Variants in CD5 observed in about 807,000 individuals in gnomAD.
CD5 encodes CD5 molecule.
CD5 carries 36 observed loss-of-function variants against 60.3 expected under a neutral mutation model. That is an observed-to-expected ratio of 0.60 (90% CI 0.46 to 0.79). The LOEUF (loss-of-function observed/expected upper bound fraction) is 0.79. Among genes scored for constraint, CD5 ranks in the 30% least tolerant of loss-of-function variants. CD5 has a pLI of 0.00. For missense variants in CD5, 540 were observed against 630.6 expected (o/e 0.86, Z 1.54); for synonymous variants, 230 against 257.6 (o/e 0.89, Z 1.03).
At chr11:61,102,700 T>G in intron 1 of CD5, 85 bp downstream of exon 1, 1 of 1,188,376 alleles carries the variant, frequency 8.4e-7, no homozygotes, top group Non-Finnish European at 1.2e-6. Context: ...CAAGGCTGAC[T>G]CTGGGATCCA....
intron 1 of CD5, among the ~76,000 whole-genome samples, chr11:61,109,095 C>G (rs545970135): frequency 6.6e-6 from 1 of 152,124 alleles, no homozygotes; most frequent in Non-Finnish European, 1.5e-5. Context: ...CTGGCCCTGC[C>G]GAGTTCTCAC....
intron 7 of CD5, 73 bp from the exon 8 acceptor site, chr11:61,123,811 A>AAGC: frequency 5.0e-5 from 13 of 262,104 alleles, no homozygotes; most frequent in East Asian, 9.3e-5. Context: ...GCCCAGCCCC[A>AAGC]TCCCCACCCC....
chr11:61,101,805 T>A (rs201534970), upstream of CD5, among the ~76,000 whole-genome samples: 3 of 144,304 alleles, frequency 2.1e-5, no homozygotes, highest in Non-Finnish European at 4.5e-5. Flanking sequence ...TCACACACAC[T>A]CAACATGGAG....
At chr11:61,102,452 CTGA>C, upstream of CD5, 2 of 651,240 alleles carry the variant, frequency 3.1e-6, no homozygotes, top group South Asian at 1.7e-5. Context: ...CCACCCCTCC[CTGA>C]GCACGCCACC....
chr11:61,115,799 G>GC, intron 2 of CD5, among the ~76,000 whole-genome samples: 1 of 152,220 alleles, frequency 6.6e-6, no homozygotes, highest in Non-Finnish European at 1.5e-5. Context: ...CCACTGTGCA[G>GC]CCAGAGGGGG....
rs1861129186 is a variant in CD5 at position 61,125,160 on chromosome 11, C to T, written c.1399+9C>T. The T allele has an allele frequency of 6.2e-7, 1 of 1,613,888 alleles. No individual in the cohort carries two copies. ...CCTGTCAGCTTATCCAGGTAAGCAC[C>T]AGCGGGTGCTCCCAGGCACGCAGGC... On this transcript the variant is annotated intron_variant, in intron 9 of 10. Transcript: ENST00000347785.
intron 1 of CD5, among the ~76,000 whole-genome samples, chr11:61,104,050 ATG>A (rs1201880525): frequency 9.1e-6 from 1 of 109,636 alleles, no homozygotes; most frequent in African/African-American, 3.9e-5. Context: ...GTATGGGGGA[ATG>A]TGTGAGTCTG....
At position 61,118,997 on chromosome 11, in the gene CD5, C is replaced by G. The variant is rs1256532952; in HGVS notation, c.463+20C>G. ...CCACAGGTAAGAGGATTCTGAACCC[C>G]CCACAGGGAGTCAGAGCTAGCAAAT... On this transcript the variant is annotated intron_variant, in intron 4 of 10. Coordinates refer to ENST00000347785, the MANE Select transcript of CD5 (RefSeq NM_014207.4). This position sits in a 1 kb window ranked among gnomAD's most constrained non-coding sequence, Gnocchi z 4.7. 3 of 1,591,168 alleles carry G rather than the reference C, an allele frequency of 1.9e-6. No individual in the cohort carries two copies. Among genetic ancestry groups the G allele is most frequent in the Non-Finnish European group, 1.7e-6 (2 of 1,167,146 alleles).
chr11:61,104,887 C>T (rs1056992797), intron 1 of CD5, among the ~76,000 whole-genome samples: 3 of 152,210 alleles, frequency 2.0e-5, no homozygotes, highest in Non-Finnish European at 4.4e-5. Context: ...TTCACAGAGG[C>T]CCCTCCCTTA....
chr11:61,114,138 GGTCTTACTCT>G (rs997787072), intron 1 of CD5, among the ~76,000 whole-genome samples: 14 of 152,004 alleles, frequency 9.2e-5, no homozygotes, highest in Admixed American at 2.6e-4. Flanking sequence ...AAAAAAACAG[GGTCTTACTCT>G]GTCACCCAGC....
the CD5 span, among the ~76,000 whole-genome samples, chr11:61,095,046 G>C: frequency 1.8e-3 from 275 of 152,268 alleles, 1 homozygote; most frequent in African/African-American, 6.4e-3. Flanking sequence ...AGTTAAGGAA[G>C]GTTCTCGATC....
At chr11:61,109,906 C>T (rs575283109) in intron 1 of CD5, among the ~76,000 whole-genome samples, 1 of 152,082 alleles carries the variant, frequency 6.6e-6, no homozygotes, top group East Asian at 1.9e-4. Flanking sequence ...GGGTGGCTGG[C>T]GGATAAGGAA....
Position 61,122,892 on chromosome 11 carries a change from T to C in CD5, c.1100-15T>C, listed in dbSNP as rs768180897. On this transcript the variant is annotated splice_polypyrimidine_tract_variant and intron_variant, in intron 6 of 10. Transcript: ENST00000347785. ...CCCAGGACTGGGACTGACCTAACTCTTCCTCCTTCCCCAGGCCAGGATCCA... is the reference window on the plus strand; with the variant it reads ...CCCAGGACTGGGACTGACCTAACTCCTCCTCCTTCCCCAGGCCAGGATCCA... 1.7e-5 allele frequency: 27 copies of C among 1,607,320 alleles called. No individual in the cohort carries two copies. Among genetic ancestry groups the C allele is most frequent in the Non-Finnish European group, 2.2e-5 (26 of 1,175,394 alleles).
chr11:61,114,447 C>T (rs1255408333), intron 1 of CD5, among the ~76,000 whole-genome samples: 2 of 143,170 alleles, frequency 1.4e-5, no homozygotes, highest in Admixed American at 6.8e-5. Context: ...TACACACACA[C>T]ATACATGCAT....
At chr11:61,106,764 G>A (rs1187141790) in intron 1 of CD5, among the ~76,000 whole-genome samples, 1 of 152,172 alleles carries the variant, frequency 6.6e-6, no homozygotes, top group African/African-American at 2.4e-5. Context: ...GAGCTTTGGA[G>A]CAATGCAGAC....
chr11:61,110,737 G>C (rs544621909), intron 1 of CD5, among the ~76,000 whole-genome samples: 3 of 152,308 alleles, frequency 2.0e-5, no homozygotes, highest in Admixed American at 6.5e-5. Flanking sequence ...CCCCTCTCAA[G>C]TTTCCTGGTC....
chr11:61,126,121 GA>G (rs1361222261), intron 10 of CD5, among the ~76,000 whole-genome samples, 166 bp from the exon 11 acceptor site: 1 of 152,206 alleles, frequency 6.6e-6, no homozygotes, highest in African/African-American at 2.4e-5. Context: ...CTCCGTGATG[GA>G]GTCACACCCC....
chr11:61,122,373 TGATGGATGGATGGATG>T lies in CD5; in HGVS notation c.1099+501_1100-487del, dbSNP rs6144363. ...ATGGATCGGTGGGTGGGTGGATGGA[TGATGGATGGATGGATG>T]GATGGATGGATGGATGGATGGATGG... On this transcript the variant is annotated intron_variant, in intron 6 of 10. Transcript: ENST00000347785. Among the ~76,000 whole-genome samples the T allele has an allele frequency of 2.2e-3, 255 of 116,718 alleles. 2 individuals carry two copies. Among genetic ancestry groups the T allele is most frequent in the South Asian group, 3.9e-3 (12 of 3,088 alleles). The allele number at this position is 116,718 out of a possible 152,430, so 76.6% of individuals were successfully genotyped here.
At chr11:61,116,376 ACACACACACACCCCACACAGACCC>A (rs1245766159) in intron 2 of CD5, among the ~76,000 whole-genome samples, 1 of 150,870 alleles carries the variant, frequency 6.6e-6, no homozygotes, top group Non-Finnish European at 1.5e-5. Context: ...ATGCAAATAC[ACACACACACACCCCACACAGACCC>A]CACACACACA....
Sources: gnomAD v4.1 joint callset for allele counts (sites outside exome capture counted in the v4.1 genomes callset) on GRCh38, gnomAD v4.1.1 for gene constraint, Gnocchi (gnomAD v3.1) non-coding constraint, MANE v1.5 for transcripts, NCBI Gene and HGNC (gene_info 2026-07-23, HGNC 2026-07-21) for gene names.